PABPC4L: variants seen among roughly 807,000 people sequenced by gnomAD.
PABPC4L encodes poly(A) binding protein cytoplasmic 4 like, also known as polyadenylate-binding protein 4-like.
For missense variants in PABPC4L, 452 were observed against 451.4 expected (o/e 1.00, Z -0.01); for synonymous variants, 169 against 164.1 (o/e 1.03, Z -0.23).
At chr4:134,110,808 T>G in the PABPC4L span, among the ~76,000 whole-genome samples, 2 of 152,036 alleles carry the variant, frequency 1.3e-5, no homozygotes, top group African/African-American at 4.8e-5. Context: ...TACTGCATTG[T>G]TTAGGGAATC....
the PABPC4L span, among the ~76,000 whole-genome samples, chr4:134,131,084 T>C: frequency 1.3e-5 from 2 of 151,988 alleles, no homozygotes; most frequent in Non-Finnish European, 2.9e-5. Context: ...CAGCCAACAT[T>C]ATGTAGAATA....
At chr4:134,036,837 C>T in the PABPC4L span, among the ~76,000 whole-genome samples, 1 of 151,954 alleles carries the variant, frequency 6.6e-6, no homozygotes, top group Non-Finnish European at 1.5e-5. Context: ...AGGCAGTTCA[C>T]TTGATGTCAG....
At chr4:134,012,544 G>A in the PABPC4L span, among the ~76,000 whole-genome samples, 10 of 152,204 alleles carry the variant, frequency 6.6e-5, no homozygotes, top group Admixed American at 1.3e-4. Flanking sequence ...GACTCAGCCC[G>A]CCTGCACCCA....
the PABPC4L span, among the ~76,000 whole-genome samples, chr4:134,072,107 T>G: frequency 1.4e-4 from 21 of 152,122 alleles, no homozygotes; most frequent in Non-Finnish European, 2.9e-4. Flanking sequence ...AAAAAAAATG[T>G]GATTTCTTTT....
chr4:134,185,162 C>G, the PABPC4L span, among the ~76,000 whole-genome samples: 1 of 152,058 alleles, frequency 6.6e-6, no homozygotes, highest in East Asian at 1.9e-4. Context: ...TATATTCCAG[C>G]TTATCTATTA....
At chr4:134,066,295 T>G in the PABPC4L span, among the ~76,000 whole-genome samples, 1 of 152,090 alleles carries the variant, frequency 6.6e-6, no homozygotes, top group Non-Finnish European at 1.5e-5. Flanking sequence ...GACATTTTTC[T>G]TTTTGTGGCT....
chr4:134,004,100 T>C, the PABPC4L span, among the ~76,000 whole-genome samples: 64 of 151,828 alleles, frequency 4.2e-4, no homozygotes, highest in Middle Eastern at 3.4e-3. Flanking sequence ...TTTTGGATAA[T>C]ACCTCAAAGG....
Position 134,200,246 on chromosome 4 carries a change from CTG to C in PABPC4L, c.772_773del (p.Gln258AlafsTer16). The C allele has an allele frequency of 6.4e-7, 1 of 1,553,762 alleles. No individual in the cohort carries two copies. Among genetic ancestry groups the C allele is most frequent in the Non-Finnish European group, 8.7e-7 (1 of 1,148,030 alleles). ...TTTGAGCCCGGCCTACAAAAATCAG[CTG>C]CCCATTTATGTCCCTTCCATTCATT... ...EEMNGRDING[Q>X]LIFVGRAQKK... is the part of the protein sequence containing the mutation. On this transcript the variant is annotated frameshift_variant, in exon 2 of 2. Transcript: ENST00000421491. LOFTEE classifies it low-confidence loss of function (END_TRUNC).
chr4:134,081,575 T>C, the PABPC4L span, among the ~76,000 whole-genome samples: 2 of 152,096 alleles, frequency 1.3e-5, no homozygotes, highest in Non-Finnish European at 2.9e-5. Flanking sequence ...CTAAATACTT[T>C]TATCAGTGCC....
the PABPC4L span, among the ~76,000 whole-genome samples, chr4:134,088,722 A>T: frequency 6.6e-6 from 1 of 152,028 alleles, no homozygotes; most frequent in Non-Finnish European, 1.5e-5. Context: ...TGGCACCTTG[A>T]TATGGGGCTT....
the PABPC4L span, among the ~76,000 whole-genome samples, chr4:134,190,577 T>A: frequency 1.3e-5 from 2 of 152,112 alleles, no homozygotes; most frequent in Non-Finnish European, 2.9e-5. Flanking sequence ...AAATAAATCA[T>A]AAAGCATGAC....
the PABPC4L span, among the ~76,000 whole-genome samples, chr4:134,061,640 G>C: frequency 2.0e-5 from 3 of 149,266 alleles, no homozygotes; most frequent in Non-Finnish European, 3.0e-5. Flanking sequence ...GAGAGAGAGA[G>C]AGAGAGAGAG....
the PABPC4L span, among the ~76,000 whole-genome samples, chr4:133,950,643 G>A: frequency 2.0e-5 from 3 of 152,080 alleles, no homozygotes; most frequent in Non-Finnish European, 2.9e-5. Flanking sequence ...ATCTTGCCCA[G>A]TTCCTCTTTC....
the PABPC4L span, among the ~76,000 whole-genome samples, chr4:133,962,762 A>T: frequency 6.6e-6 from 1 of 152,226 alleles, no homozygotes; most frequent in African/African-American, 2.4e-5. Context: ...TAAGCATCAT[A>T]TATGAAGAAA....
At chr4:134,125,143 G>A in the PABPC4L span, among the ~76,000 whole-genome samples, 1 of 152,024 alleles carries the variant, frequency 6.6e-6, no homozygotes, top group African/African-American at 2.4e-5. Context: ...TGTTTACAGA[G>A]TCCGTTGTCT....
chr4:134,119,271 G>A, the PABPC4L span, among the ~76,000 whole-genome samples: 18 of 151,616 alleles, frequency 1.2e-4, no homozygotes, highest in South Asian at 3.1e-3. Flanking sequence ...GTATCACACA[G>A]CAAGTTAAAG....
chr4:134,009,001 C>G, the PABPC4L span, among the ~76,000 whole-genome samples: 7 of 151,680 alleles, frequency 4.6e-5, no homozygotes, highest in Non-Finnish European at 3.0e-5. Flanking sequence ...TATGTACCAA[C>G]TTTTTAAAAA....
the PABPC4L span, among the ~76,000 whole-genome samples, chr4:133,979,549 G>A: frequency 2.6e-5 from 4 of 152,030 alleles, no homozygotes; most frequent in African/African-American, 7.2e-5. Flanking sequence ...ACTGTGCATC[G>A]CTTGCCTGGG....
chr4:134,095,657 C>A, the PABPC4L span, among the ~76,000 whole-genome samples: 2 of 151,810 alleles, frequency 1.3e-5, no homozygotes, highest in Non-Finnish European at 2.9e-5. Context: ...TTTTCATAAG[C>A]CCTTCAATGT....
Sources: gnomAD v4.1 joint callset for allele counts (sites outside exome capture counted in the v4.1 genomes callset) on GRCh38, gnomAD v4.1.1 for gene constraint, MANE v1.5 for transcripts, NCBI Gene and HGNC (gene_info 2026-07-23, HGNC 2026-07-21) for gene names.